MALT1: variants seen among roughly 807,000 people sequenced by gnomAD.
The protein encoded by MALT1 is mucosa-associated lymphoid tissue lymphoma translocation protein 1.
MALT1 carries 36 observed loss-of-function variants against 85.5 expected under a neutral mutation model. The ratio of observed to expected loss-of-function variants is 0.42; its 90% CI spans 0.32 to 0.56. MALT1 has a LOEUF of 0.56. MALT1 is among the 20% of genes least tolerant of loss of function. MALT1 has a pLI of 0.10. For synonymous variants in MALT1, 359 were observed against 361.3 expected (o/e 0.99, Z 0.07); for missense variants, 716 against 981.6 (o/e 0.73, Z 3.62).
intron 4 of MALT1, among the ~76,000 whole-genome samples, chr18:58,705,218 T>C (rs2054729365): frequency 6.6e-6 from 1 of 152,042 alleles, no homozygotes; most frequent in Admixed American, 6.6e-5. Flanking sequence ...ACTTTCATTG[T>C]GCCCCCCATT....
intron 13 of MALT1, among the ~76,000 whole-genome samples, chr18:58,736,800 C>T (rs1393608878): frequency 6.6e-6 from 1 of 152,222 alleles, no homozygotes; most frequent in African/African-American, 2.4e-5. Flanking sequence ...CAGCTCAGTG[C>T]CGTGCACATT....
At chr18:58,691,092 C>G (rs2054491397) in intron 2 of MALT1, 1 of 231,280 alleles carries the variant, frequency 4.3e-6, no homozygotes, top group Non-Finnish European at 8.8e-6. Flanking sequence ...CGGCTGAGTG[C>G]CAAGGATCCT....
chr18:58,725,890 G>GTC (rs1275705795), intron 10 of MALT1, among the ~76,000 whole-genome samples: 3 of 151,992 alleles, frequency 2.0e-5, no homozygotes, highest in African/African-American at 7.2e-5. Context: ...GTGAAACCCC[G>GTC]TCTCTACTAA....
At chr18:58,695,710 T>C (rs1875060729) in intron 2 of MALT1, among the ~76,000 whole-genome samples, 1 of 152,078 alleles carries the variant, frequency 6.6e-6, no homozygotes, top group Admixed American at 6.5e-5. Flanking sequence ...CTGATGAAGG[T>C]TTTCTTGCTG....
intron 13 of MALT1, among the ~76,000 whole-genome samples, chr18:58,736,162 C>T (rs961398347): frequency 2.0e-4 from 31 of 152,118 alleles, no homozygotes; most frequent in Admixed American, 3.9e-4. Context: ...AATTATTTTA[C>T]AAACTAGCAC....
chr18:58,691,872 C>CAAAAAAAA (rs34428404), intron 2 of MALT1, among the ~76,000 whole-genome samples: 2 of 134,746 alleles, frequency 1.5e-5, no homozygotes, highest in East Asian at 2.1e-4. Context: ...GACTCCGTCT[C>CAAAAAAAA]AAAAAAAAAA....
In MALT1 at chr18:58,752,865, C is replaced by CT. The variant is rs752256162; in HGVS notation, c.*5030dup. 9 of 152,140 alleles carry CT rather than the reference C, an allele frequency of 5.9e-5. No individual in the cohort carries two copies. Among genetic ancestry groups the CT allele is most frequent in the Non-Finnish European group, 1.3e-4 (9 of 68,016 alleles). The allele number at this position is 152,140 out of a possible 1,614,324, so 9.4% of individuals were successfully genotyped here. A position where few individuals can be genotyped will look rare whatever the true frequency, so the allele number is the denominator to read the frequency against. ...GAAAATGTGTAAATGTGCATATTCT[C>CT]TTTTTTTCTAATTTGGTAGCATTAA... On this transcript the variant is annotated 3_prime_UTR_variant, in exon 17 of 17. Transcript: ENST00000649217.
At chr18:58,710,336 A>C (rs546688734) in intron 6 of MALT1, among the ~76,000 whole-genome samples, 1 of 152,338 alleles carries the variant, frequency 6.6e-6, no homozygotes, top group South Asian at 2.1e-4. Flanking sequence ...TTCAACACTT[A>C]TGATAAAATA....
intron 16 of MALT1, among the ~76,000 whole-genome samples, chr18:58,746,930 G>C (rs1283367735): frequency 6.6e-6 from 1 of 152,070 alleles, no homozygotes; most frequent in South Asian, 2.1e-4. Context: ...GTTTCACCAC[G>C]TTGGCCAGAC....
intron 3 of MALT1, 71 bp from the exon 4 acceptor site, chr18:58,700,370 A>C (rs748857630): frequency 4.4e-5 from 54 of 1,233,922 alleles, no homozygotes; most frequent in Non-Finnish European, 5.6e-5. Context: ...GAAATCATAG[A>C]TTTTGTACAG....
At chr18:58,739,061 G>A (rs1417231463) in intron 13 of MALT1, among the ~76,000 whole-genome samples, 3 of 151,944 alleles carry the variant, frequency 2.0e-5, no homozygotes, top group Admixed American at 6.6e-5. Flanking sequence ...AGATTAAATG[G>A]TTTTTCTGCA....
chr18:58,729,232 G>C lies in MALT1; in HGVS notation c.1223-4165G>C, dbSNP rs145570064. On this transcript the variant is annotated intron_variant, in intron 10 of 16. Transcript: ENST00000649217. Reference sequence around the variant, plus strand: ...GGCCGGGCACGGTGGCTCAACGCCTGTAATCCCAGCACTTTGGGAGGCCGA... The same window carrying C: ...GGCCGGGCACGGTGGCTCAACGCCTCTAATCCCAGCACTTTGGGAGGCCGA... 8.3e-3 allele frequency among the ~76,000 whole-genome samples: 1,266 copies of C among 152,238 alleles called. 28 individuals carry two copies. The highest frequency in any genetic ancestry group is 0.029 in the African/African-American group (1,224 of 41,542).
At chr18:58,675,491 T>C (rs1296405374) in intron 1 of MALT1, 4 of 152,224 alleles carry the variant, frequency 2.6e-5, no homozygotes, top group African/African-American at 9.7e-5. Context: ...GGCACAGGCC[T>C]GTAGTCCCAG....
intron 15 of MALT1, among the ~76,000 whole-genome samples, chr18:58,745,150 A>G (rs2055349471): frequency 6.6e-6 from 1 of 152,212 alleles, no homozygotes; most frequent in African/African-American, 2.4e-5. Context: ...GAGCCCAGAT[A>G]GGCTTCCTGA....
At position 58,710,854 on chromosome 18, in the gene MALT1, G is replaced by A. The variant is rs1056915488; in HGVS notation, c.926-67G>A. The A allele has an allele frequency of 1.4e-5, 14 of 1,035,978 alleles. No homozygotes were observed. The African/African-American group carries it at 1.5e-4, about 11-fold the overall frequency. The allele number at this position is 1,035,978 out of a possible 1,614,324, so 64.2% of individuals were successfully genotyped here. ...ATCTCTATGATATTGATCTCTATTT[G>A]CTTGACGGCTGCCCTTCTTAAGATC... is the stretch of plus-strand genomic sequence containing the variant. On this transcript the variant is annotated intron_variant, in intron 6 of 16. Transcript: ENST00000649217.
At chr18:58,692,803 G>C (rs930724160) in intron 2 of MALT1, among the ~76,000 whole-genome samples, 3 of 152,174 alleles carry the variant, frequency 2.0e-5, no homozygotes, top group Admixed American at 6.5e-5. Flanking sequence ...CAGAAGAAAA[G>C]TTCTTGAAGG....
chr18:58,674,646 A>G (rs992607240), intron 1 of MALT1, among the ~76,000 whole-genome samples: 7 of 152,180 alleles, frequency 4.6e-5, no homozygotes, highest in Non-Finnish European at 8.8e-5. Flanking sequence ...TAAGACAAAA[A>G]AGTTATTGTA....
chr18:58,722,420 A>G (rs1421683084), intron 9 of MALT1, among the ~76,000 whole-genome samples: 1 of 152,226 alleles, frequency 6.6e-6, no homozygotes, highest in East Asian at 1.9e-4. Flanking sequence ...CTCATACACA[A>G]AATCTTCACA....
Position 58,671,666 on chromosome 18 carries a change from T to C in MALT1, c.23T>C (p.Leu8Pro). The stretch of plus-strand genomic sequence containing the variant: ...GCCATGTCGCTGTTGGGGGACCCGC[T>C]ACAGGCCCTGCCGCCCTCGGCCGCC... MSLLGDP[L>P]QALPPSAAPT... The change falls in exon 1 of 17, where the codon CTA becomes CCA. Residue 8 changes from leucine to proline, a missense_variant. Transcript: ENST00000649217. The C allele has an allele frequency of 8.1e-7, 1 of 1,230,976 alleles. No individual in the cohort carries two copies. Among genetic ancestry groups the C allele is most frequent in the Non-Finnish European group, 1.0e-6 (1 of 987,982 alleles). 76.3% of individuals were successfully genotyped at this position (1,230,976 alleles called of 1,614,324 possible). A position where few individuals can be genotyped will look rare whatever the true frequency, so the allele number is the denominator to read the frequency against.
Sources: allele counts gnomAD v4.1 joint callset (sites outside exome capture counted in the v4.1 genomes callset), GRCh38; gene constraint gnomAD v4.1.1; transcripts MANE v1.5; gene names NCBI Gene and HGNC (gene_info 2026-07-23, HGNC 2026-07-21).